The following UNC79 variants were observed in gnomAD, a reference collection of about 807,000 sequenced individuals.
The protein encoded by UNC79 is unc-79 subunit of NALCN channel complex.
In UNC79, 37 loss-of-function variants were observed where a neutral mutation model predicts 283.1. That is an observed-to-expected ratio of 0.13 (90% CI 0.10 to 0.17). The LOEUF is 0.17. Among genes scored for constraint, UNC79 ranks in the 10% least tolerant of loss-of-function variants. UNC79 has a pLI of 1.00. For synonymous variants in UNC79, 1,107 were observed against 1,200.2 expected (o/e 0.92, Z 1.61); for missense variants, 2,272 against 3,211.1 (o/e 0.71, Z 7.07).
rs765016094 is a variant in UNC79, at chr14:93,577,990, T to C, written c.2360T>C (p.Ile787Thr). 2.5e-6 allele frequency: 4 copies of C among 1,614,132 alleles called. No homozygotes were observed. The African/African-American group carries it at 5.3e-5, about 22-fold the overall frequency. Residue 787 changes from isoleucine to threonine, a missense_variant, in exon 18 of 49, where the codon ATT (isoleucine) becomes ACT (threonine). Transcript: ENST00000555664. The stretch of plus-strand genomic sequence containing the variant: ...TTTGGACACCCAGGAGGAAGGACTA[T>C]TGACTTTGATTGTGAAGATGATGAA...
At chr14:93,461,972 A>AAAAAAAAG (rs1555413333) in intron 1 of UNC79, among the ~76,000 whole-genome samples, 1 of 145,838 alleles carries the variant, frequency 6.9e-6, no homozygotes, top group Non-Finnish European at 1.5e-5. Context: ...CAAAAAAAAA[A>AAAAAAAAG]AAAGAAAGAA....
intron 14 of UNC79, among the ~76,000 whole-genome samples, chr14:93,568,148 A>G (rs1422583317): frequency 1.3e-5 from 2 of 152,134 alleles, no homozygotes; most frequent in Non-Finnish European, 2.9e-5. Context: ...TTGGTGCCCA[A>G]GGTTTTCCTT....
chr14:93,688,658 T>C lies in UNC79; in HGVS notation c.6910-7T>C. 6.2e-7 allele frequency: 1 copy of C among 1,611,576 alleles called. No individual in the cohort carries two copies. Among genetic ancestry groups the C allele is most frequent in the Non-Finnish European group, 8.5e-7 (1 of 1,178,648 alleles). On this transcript the variant is annotated splice_region_variant and splice_polypyrimidine_tract_variant and intron_variant, in intron 43 of 48. Transcript: ENST00000555664. This position sits in a 1 kb window ranked among gnomAD's most constrained non-coding sequence, Gnocchi z 4.0. ...CCAGAGTTACAAAATACCATTCGGT[T>C]TTGTAGAGCCACATGAAGACATGTT...
chr14:93,390,406 A>G (rs1348987847), intron 1 of UNC79, among the ~76,000 whole-genome samples: 1 of 152,228 alleles, frequency 6.6e-6, no homozygotes, highest in East Asian at 1.9e-4. Context: ...TGGAATTGGA[A>G]AAAGGACAAG....
At chr14:93,504,952 T>G (rs939847049) in intron 7 of UNC79, among the ~76,000 whole-genome samples, 1 of 152,062 alleles carries the variant, frequency 6.6e-6, no homozygotes, top group African/African-American at 2.4e-5. Flanking sequence ...GACCCATGGG[T>G]CATTTAGAAG....
chr14:93,493,118 A>G lies in UNC79; in HGVS notation c.713-3293A>G, dbSNP rs186213982. Among the ~76,000 whole-genome samples, 6 of 152,336 alleles carry G rather than the reference A, an allele frequency of 3.9e-5. No homozygotes were observed. In the East Asian group the frequency reaches 1.2e-3, roughly 29 times the overall value. On this transcript the variant is annotated intron_variant, in intron 5 of 48. Transcript: ENST00000555664. The stretch of plus-strand genomic sequence containing the variant: ...AAATTTTGCTTTTATTGAGGAAGTC[A>G]GGAGGGCTTCTTTGAGGAAGTAACC...
intron 1 of UNC79, 26 bp from the exon 2 acceptor site, chr14:93,467,645 T>TTTTTC: frequency 9.2e-7 from 1 of 1,088,412 alleles, no homozygotes; most frequent in Non-Finnish European, 1.1e-6. Context: ...TTTTTTTTTT[T>TTTTTC]TTTTTTTTTT....
At chr14:93,519,465 T>C (rs1260827567) in intron 7 of UNC79, among the ~76,000 whole-genome samples, 1 of 151,870 alleles carries the variant, frequency 6.6e-6, no homozygotes, top group Non-Finnish European at 1.5e-5. Flanking sequence ...TCAAATCCTA[T>C]TTCACAATCT....
chr14:93,374,250 T>G (rs1187634524), intron 1 of UNC79, among the ~76,000 whole-genome samples: 1 of 152,160 alleles, frequency 6.6e-6, no homozygotes, highest in African/African-American at 2.4e-5. Flanking sequence ...TGGGAAAGTT[T>G]CAGGCACTGG....
intron 30 of UNC79, among the ~76,000 whole-genome samples, chr14:93,626,400 C>T (rs1051926939): frequency 1.3e-5 from 2 of 152,280 alleles, no homozygotes; most frequent in South Asian, 2.1e-4. Context: ...CTATCTCTCT[C>T]GCTTACTCAA....
At chr14:93,619,433 A>G (rs2066968998) in intron 29 of UNC79, among the ~76,000 whole-genome samples, 1 of 152,218 alleles carries the variant, frequency 6.6e-6, no homozygotes. Flanking sequence ...TTTCAAAGTT[A>G]TGTAATGCAA....
At chr14:93,336,428 G>A (rs187431788) in intron 1 of UNC79, among the ~76,000 whole-genome samples, 4 of 151,954 alleles carry the variant, frequency 2.6e-5, no homozygotes, top group East Asian at 3.9e-4. Context: ...TGCAACCTCC[G>A]CCTCCTGGGT....
chr14:93,612,552 A>G (rs1428249201), intron 26 of UNC79, among the ~76,000 whole-genome samples: 1 of 152,122 alleles, frequency 6.6e-6, no homozygotes, highest in African/African-American at 2.4e-5. Context: ...ATAGCACCCT[A>G]TTTTTATTCC....
chr14:93,356,558 G>A (rs962830030), intron 1 of UNC79, among the ~76,000 whole-genome samples: 4 of 152,186 alleles, frequency 2.6e-5, no homozygotes, highest in Admixed American at 6.5e-5. Context: ...GTCTGGCCTG[G>A]TAGGTCTTCA....
rs1310903197 is a variant in UNC79 at position 93,587,025 on chromosome 14, C to T, written c.3032+117C>T. Reference sequence around the variant, plus strand: ...GGTTATTTTTTGAGCCAGGACAGCTCGATTGCCTATGATAACTACTTTTAT... The same window carrying T: ...GGTTATTTTTTGAGCCAGGACAGCTTGATTGCCTATGATAACTACTTTTAT... On this transcript the variant is annotated intron_variant, in intron 22 of 48. Coordinates refer to ENST00000555664, the Ensembl canonical transcript of UNC79. 1.8e-5 allele frequency: 22 copies of T among 1,239,154 alleles called. No individual in the cohort carries two copies. The Middle Eastern group carries it at 9.9e-4, about 56-fold the overall frequency. 76.8% of individuals were successfully genotyped at this position (1,239,154 alleles called of 1,614,324 possible).
intron 7 of UNC79, among the ~76,000 whole-genome samples, chr14:93,501,141 G>A (rs182690642): frequency 2.6e-5 from 4 of 151,984 alleles, no homozygotes; most frequent in East Asian, 1.9e-4. Flanking sequence ...CCTGGCCAAC[G>A]TGGTGAAACC....
intron 38 of UNC79, among the ~76,000 whole-genome samples, chr14:93,656,516 A>G (rs1049881246): frequency 2.1e-4 from 32 of 152,162 alleles, no homozygotes; most frequent in Admixed American, 1.8e-3. Context: ...TAGCTGGGCA[A>G]GGTGGCATGC....
chr14:93,419,861 C>T (rs2055553851), intron 1 of UNC79, among the ~76,000 whole-genome samples: 1 of 151,358 alleles, frequency 6.6e-6, no homozygotes, highest in African/African-American at 2.4e-5. Flanking sequence ...GCCAGAAGTT[C>T]CAGACCAGCT....
Position 93,424,962 on chromosome 14 carries a change from A to G in UNC79, c.-350-42709A>G, listed in dbSNP as rs192175600. Among the ~76,000 whole-genome samples the G allele has an allele frequency of 4.9e-3, 744 of 152,336 alleles. 5 individuals are homozygous for G. The highest frequency in any genetic ancestry group is 0.017 in the African/African-American group (697 of 41,582). ...ACACATTGCATGCCTATATCAAAAC[A>G]TCTCATCCATAAATATATACACTTA... On this transcript the variant is annotated intron_variant, in intron 1 of 49. Coordinates refer to the UNC79 transcript ENST00000256339.
Sources: gnomAD v4.1 joint callset for allele counts (sites outside exome capture counted in the v4.1 genomes callset) on GRCh38, gnomAD v4.1.1 for gene constraint, Gnocchi (gnomAD v3.1) non-coding constraint, MANE v1.5 for transcripts, NCBI Gene and HGNC (gene_info 2026-07-23, HGNC 2026-07-21) for gene names.